Variants in JCAD observed in about 807,000 individuals in gnomAD.
JCAD encodes junctional cadherin 5-associated protein.
In JCAD, 40 loss-of-function variants were observed where a neutral mutation model predicts 98.0. That is an observed-to-expected ratio of 0.41 (90% CI 0.32 to 0.53). The LOEUF (loss-of-function observed/expected upper bound fraction) is 0.53, where lower values mean the gene tolerates loss of function less well. Among genes scored for constraint, JCAD ranks in the 20% least tolerant of loss-of-function variants. The probability of loss-of-function intolerance (pLI) is 0.31; values close to 1 mark genes in which losing one functional copy is unlikely to be tolerated. For synonymous variants in JCAD, 691 were observed against 682.3 expected (o/e 1.01, Z -0.20); for missense variants, 1,705 against 1,738.1 (o/e 0.98, Z 0.34).
chr10:30,079,179 C>T (rs1449768102), intron 1 of JCAD, among the ~76,000 whole-genome samples: 3 of 151,704 alleles, frequency 2.0e-5, no homozygotes, highest in South Asian at 2.1e-4. Flanking sequence ...AAACCCCGTC[C>T]CTACTAAAAA....
rs1836449482 is a variant in JCAD at position 30,012,937 on chromosome 10, A to T, written c.*4946T>A. 6.6e-6 allele frequency: 1 copy of T among 152,392 alleles called. No individual in the cohort carries two copies. Among genetic ancestry groups the T allele is most frequent in the South Asian group, 2.1e-4 (1 of 4,828 alleles). 9.4% of individuals were successfully genotyped at this position (152,392 alleles called of 1,614,324 possible). A position where few individuals can be genotyped will look rare whatever the true frequency, so the allele number is the denominator to read the frequency against. Reference sequence around the variant, plus strand: ...AGACATTCATCTGTGCTTTGCCGGCATTTTATCTGCTACTTTGTCCTGCTT... The same window carrying T: ...AGACATTCATCTGTGCTTTGCCGGCTTTTTATCTGCTACTTTGTCCTGCTT... On this transcript the variant is annotated 3_prime_UTR_variant, in exon 4 of 4. Transcript: ENST00000375377.
intron 1 of JCAD, among the ~76,000 whole-genome samples, chr10:30,093,291 G>T (rs1260872385): frequency 6.6e-6 from 1 of 152,136 alleles, no homozygotes; most frequent in African/African-American, 2.4e-5. Flanking sequence ...GATAAAACCC[G>T]CAATCTCCTG....
chr10:30,094,521 G>A (rs946753817), intron 1 of JCAD, among the ~76,000 whole-genome samples: 14 of 152,112 alleles, frequency 9.2e-5, no homozygotes, highest in Non-Finnish European at 1.9e-4. Context: ...TATGAAATAT[G>A]GGAGATACAA....
chr10:30,096,811 C>G (rs1486062065), intron 1 of JCAD, among the ~76,000 whole-genome samples: 1 of 152,082 alleles, frequency 6.6e-6, no homozygotes, highest in Admixed American at 6.6e-5. Flanking sequence ...GAAGGTGAAT[C>G]CAGCAAGAGC....
chr10:30,027,844 G>C lies in JCAD; in HGVS notation c.2304C>G (p.Ser768=), dbSNP rs200938429. ...GCGTCGGTGCCTGGTCCACGGACAA[G>C]GAAGTCCTTGAGAACGCACTGTTGC... ...PSSNSAFSRT[S]LSVDQAPTPK... is the part of the protein sequence containing the mutation. Residue 768 remains serine (S), a synonymous_variant, in exon 3 of 4, where the codon TCC becomes TCG. Transcript: ENST00000375377. The C allele has an allele frequency of 2.0e-4, 330 of 1,614,280 alleles. No individual in the cohort carries two copies. Among genetic ancestry groups the C allele is most frequent in the Middle Eastern group, 4.9e-4 (3 of 6,062 alleles).
intron 1 of JCAD, among the ~76,000 whole-genome samples, chr10:30,102,466 C>G (rs1238845651): frequency 1.3e-5 from 2 of 152,190 alleles, no homozygotes; most frequent in Admixed American, 1.3e-4. Context: ...CCACTGCACC[C>G]AGTCTACCCT....
chr10:30,017,850 T>G lies in JCAD; in HGVS notation c.*33A>C, dbSNP rs1305764021. ...TACCAGCTACTTGAGAATACTCAATTCGCAACGGAATGCAAGCTCCACCGG... is the reference window on the plus strand; with the variant it reads ...TACCAGCTACTTGAGAATACTCAATGCGCAACGGAATGCAAGCTCCACCGG... On this transcript the variant is annotated 3_prime_UTR_variant, in exon 4 of 4. Transcript: ENST00000375377. The G allele has an allele frequency of 6.2e-7, 1 of 1,601,582 alleles. No homozygotes were observed.
At chr10:30,107,383 C>T (rs960985646) in intron 1 of JCAD, among the ~76,000 whole-genome samples, 3 of 152,184 alleles carry the variant, frequency 2.0e-5, no homozygotes, top group African/African-American at 4.8e-5. Context: ...AATTATACTG[C>T]ATTGGCATGC....
intron 1 of JCAD, among the ~76,000 whole-genome samples, chr10:30,081,722 G>A (rs1281353459): frequency 1.4e-4 from 21 of 152,076 alleles, no homozygotes; most frequent in Non-Finnish European, 2.1e-4. Context: ...TTGAGCCACC[G>A]CACCTGGCCT....
At chr10:30,110,990 C>T (rs1025866624) in intron 1 of JCAD, among the ~76,000 whole-genome samples, 5 of 152,018 alleles carry the variant, frequency 3.3e-5, no homozygotes, top group African/African-American at 7.2e-5. Context: ...TGTATGCACC[C>T]ACTTAGGTAT....
intron 1 of JCAD, among the ~76,000 whole-genome samples, chr10:30,049,012 C>T (rs1459990654): frequency 6.6e-6 from 1 of 152,192 alleles, no homozygotes; most frequent in Non-Finnish European, 1.5e-5. Flanking sequence ...GTAAACTGCA[C>T]AAAACAAGAG....
intron 1 of JCAD, among the ~76,000 whole-genome samples, chr10:30,095,755 G>A (rs1176149108): frequency 6.6e-6 from 1 of 152,182 alleles, no homozygotes; most frequent in East Asian, 1.9e-4. Flanking sequence ...AGATATTGAT[G>A]AGGTTAGCAG....
chr10:30,080,140 GA>G (rs922289969), intron 1 of JCAD, among the ~76,000 whole-genome samples: 9 of 149,542 alleles, frequency 6.0e-5, no homozygotes, highest in African/African-American at 2.0e-4. Context: ...AGTGAGTGAG[GA>G]AAAAAAAAAT....
At chr10:30,020,724 G>C (rs1836645380) in intron 3 of JCAD, among the ~76,000 whole-genome samples, 1 of 152,166 alleles carries the variant, frequency 6.6e-6, no homozygotes, top group Non-Finnish European at 1.5e-5. Context: ...TTAATAGCTG[G>C]GTGCTTCATT....
chr10:30,038,688 T>TAAAAAAAA (rs11402293), intron 2 of JCAD, among the ~76,000 whole-genome samples: 2 of 121,932 alleles, frequency 1.6e-5, no homozygotes, highest in South Asian at 2.7e-4. Context: ...TGTCTCAAAA[T>TAAAAAAAA]AAAAAAAAAA....
chr10:30,032,433 A>C (rs1837022390), intron 2 of JCAD, among the ~76,000 whole-genome samples: 1 of 152,206 alleles, frequency 6.6e-6, no homozygotes, highest in South Asian at 2.1e-4. Flanking sequence ...AGAAATATTA[A>C]GCTACTACCC....
chr10:30,108,117 C>T (rs190145660), intron 1 of JCAD, among the ~76,000 whole-genome samples: 18 of 151,982 alleles, frequency 1.2e-4, no homozygotes, highest in East Asian at 1.9e-4. Flanking sequence ...GTTTGAGACC[C>T]GCCTGGCCAA....
rs1836832287 is a variant in JCAD, at chr10:30,027,077, C to T, written c.3071G>A (p.Ser1024Asn). Residue 1024 changes from serine to asparagine, a missense_variant, in exon 3 of 4, where the codon AGT (serine) becomes AAT (asparagine). Coordinates refer to ENST00000375377, the MANE Select transcript of JCAD (RefSeq NM_020848.4). Reference sequence around the variant, plus strand: ...GAGCCCTGCCCCCCTCTCTCCACCACTGTCAAACTTCCGAGGGACCGCTTC... The same window carrying T: ...GAGCCCTGCCCCCCTCTCTCCACCATTGTCAAACTTCCGAGGGACCGCTTC... ...PSEAVPRKFDSGGERGAGLPL... is the reference protein window; with the variant it reads ...PSEAVPRKFDNGGERGAGLPL... 1 of 1,614,254 alleles carries T rather than the reference C, an allele frequency of 6.2e-7. No individual in the cohort carries two copies. Among genetic ancestry groups the T allele is most frequent in the African/African-American group, 1.3e-5 (1 of 75,082 alleles).
chr10:30,032,028 A>G (rs1002773510), intron 2 of JCAD, among the ~76,000 whole-genome samples: 8 of 152,134 alleles, frequency 5.3e-5, no homozygotes, highest in Non-Finnish European at 1.0e-4. Context: ...TGCTGGGATT[A>G]CAGGCGTGAG....
Sources: allele counts gnomAD v4.1 joint callset (sites outside exome capture counted in the v4.1 genomes callset), GRCh38; gene constraint gnomAD v4.1.1; transcripts MANE v1.5; gene names NCBI Gene and HGNC (gene_info 2026-07-23, HGNC 2026-07-21).